ADARB1: variants seen among roughly 807,000 people sequenced by gnomAD.
ADARB1 encodes the protein adenosine deaminase RNA specific B1, also known as double-stranded RNA-specific editase 1.
ADARB1 carries 10 observed loss-of-function variants against 52.4 expected under a neutral mutation model. The ratio of observed to expected loss-of-function variants is 0.19; its 90% CI spans 0.12 to 0.32. ADARB1 has a LOEUF of 0.32. Ranked by LOEUF, ADARB1 falls within the 10% of genes least tolerant of loss-of-function variation. The pLI, the probability that ADARB1 is intolerant of heterozygous loss-of-function variation, is 1.00. For missense variants in ADARB1, 643 were observed against 922.3 expected, an observed-to-expected ratio of 0.70 and a Z score of 3.92; for synonymous variants, 349 against 371.1, an observed-to-expected ratio of 0.94 and a Z score of 0.68.
chr21:45,163,241 T>C (rs148656857), intron 2 of ADARB1, among the ~76,000 whole-genome samples: 50 of 152,350 alleles, frequency 3.3e-4, no homozygotes, highest in African/African-American at 9.9e-4. Context: ...TCGTATACAG[T>C]CAAGTTTAGA....
Position 45,195,816 on chromosome 21 carries a change from T to G in ADARB1, c.1566-8739T>G, listed in dbSNP as rs189398491. Among the ~76,000 whole-genome samples the G allele has an allele frequency of 3.3e-5, 5 of 152,354 alleles. No homozygotes were observed. The East Asian group carries it at 7.7e-4, about 24-fold the overall frequency. On this transcript the variant is annotated intron_variant, in intron 8 of 10. Transcript: ENST00000348831. ...CCATGCTGTCCTGATTACTCTAGTATAGTAAGTCTTTAAGTCAGGTAATGT... is the reference window on the plus strand; with the variant it reads ...CCATGCTGTCCTGATTACTCTAGTAGAGTAAGTCTTTAAGTCAGGTAATGT...
Position 45,182,773 on chromosome 21 carries a change from A to G in ADARB1, c.1247+20A>G. 1.3e-6 allele frequency: 2 copies of G among 1,546,696 alleles called. No homozygotes were observed. Among genetic ancestry groups the G allele is most frequent in the Non-Finnish European group, 8.7e-7 (1 of 1,147,550 alleles). On this transcript the variant is annotated intron_variant, in intron 6 of 10. Coordinates refer to ENST00000348831, the MANE Select transcript of ADARB1 (RefSeq NM_001112.4). ...CTTAAAGTAAGTTTAGTAAACAAAT[A>G]AGGACAGGAAGCTCTTTTTAAAAAA...
rs1441965607 is a variant in ADARB1 at position 45,142,826 on chromosome 21, T to G, written c.-48+14253T>G. ...CTGAGGGGCCCAGAAGGTAAGAAATTGCCTACGGCCCTTGGCTAATAGAAG... is the reference window on the plus strand; with the variant it reads ...CTGAGGGGCCCAGAAGGTAAGAAATGGCCTACGGCCCTTGGCTAATAGAAG... On this transcript the variant is annotated intron_variant, in intron 2 of 10. Transcript: ENST00000348831. The surrounding 1 kb of genome is among the most constrained non-coding windows in gnomAD (Gnocchi z 4.0). Among the ~76,000 whole-genome samples the G allele has an allele frequency of 6.6e-6, 1 of 152,152 alleles. No homozygotes were observed. Among genetic ancestry groups the G allele is most frequent in the Non-Finnish European group, 1.5e-5 (1 of 68,020 alleles).
chr21:45,132,943 A>G (rs1165957684), intron 2 of ADARB1, among the ~76,000 whole-genome samples: 4 of 152,168 alleles, frequency 2.6e-5, no homozygotes, highest in African/African-American at 9.7e-5. Flanking sequence ...ATAAAAGAAA[A>G]TACCGACAAT....
chr21:45,103,937 CTCTGTCTGTTACCCTTA>C (rs2087135034), intron 1 of ADARB1, among the ~76,000 whole-genome samples: 1 of 152,168 alleles, frequency 6.6e-6, no homozygotes, highest in African/African-American at 2.4e-5. Flanking sequence ...GATTTCTTAA[CTCTGTCTGTTACCCTTA>C]CACAGTATAT....
chr21:45,202,837 G>C (rs1017197995), intron 8 of ADARB1, among the ~76,000 whole-genome samples: 1 of 148,632 alleles, frequency 6.7e-6, no homozygotes, highest in African/African-American at 2.5e-5. Context: ...GTGCCACACT[G>C]TGCTGAGCGT....
In ADARB1 at chr21:45,111,193, G is replaced by C. The variant is rs1030906091; in HGVS notation, c.-219-17209G>C. Among the ~76,000 whole-genome samples the C allele has an allele frequency of 2.6e-5, 4 of 152,336 alleles. No homozygotes were observed. In the East Asian group the frequency reaches 7.7e-4, roughly 29 times the overall value. On this transcript the variant is annotated intron_variant, in intron 1 of 10. Coordinates refer to ENST00000348831, the MANE Select transcript of ADARB1 (RefSeq NM_001112.4). ...GCTTCCTCAGGCTCCTCCTGTTGGC[G>C]TGGGTGCCTGCCACTGACCTCTGTG...
chr21:45,147,307 T>G (rs1359595809), intron 2 of ADARB1, among the ~76,000 whole-genome samples: 1 of 152,258 alleles, frequency 6.6e-6, no homozygotes, highest in Non-Finnish European at 1.5e-5. Context: ...TTTTATTGTT[T>G]CTTATTTGAA....
rs748231046 is a variant in ADARB1, at chr21:45,175,733, C to G, written c.32C>G (p.Ser11Cys). 1 of 1,613,802 alleles carries G rather than the reference C, an allele frequency of 6.2e-7. No homozygotes were observed. Among genetic ancestry groups the G allele is most frequent in the Admixed American group, 1.7e-5 (1 of 59,990 alleles). The change falls in exon 4 of 11, where the codon TCC (serine) becomes TGC (cysteine). Residue 11 changes from serine (S) to cysteine (C), a missense_variant. By Grantham distance (112) the Ser-to-Cys change is moderately radical. This residue lies in a region of ADARB1 where 380 missense variants were observed against 446.5 expected (regional missense o/e 0.85). Transcript: ENST00000348831. ...TTACTCTTTCTGGGCACCACAGGTT[C>G]CAGCAGCACTGATGTGAAGGAAAAC... is the stretch of plus-strand genomic sequence containing the variant. MDIEDEENMS[S>C]SSTDVKENRN... is the part of the protein sequence containing the mutation.
At chr21:45,169,438 G>C (rs1569108186) in intron 2 of ADARB1, among the ~76,000 whole-genome samples, 1 of 152,148 alleles carries the variant, frequency 6.6e-6, no homozygotes, top group Non-Finnish European at 1.5e-5. Context: ...CTTTTTGTGT[G>C]TTTTGTTTCT....
intron 1 of ADARB1, among the ~76,000 whole-genome samples, chr21:45,088,092 C>T (rs1210026140): frequency 6.6e-6 from 1 of 152,142 alleles, no homozygotes; most frequent in Admixed American, 6.5e-5. Flanking sequence ...CAGTGTGACT[C>T]TGTGGTCTTT....
At chr21:45,210,311 G>T (rs2092743197) in intron 9 of ADARB1, among the ~76,000 whole-genome samples, 1 of 152,218 alleles carries the variant, frequency 6.6e-6, no homozygotes, top group Non-Finnish European at 1.5e-5. Flanking sequence ...GGACACTGTT[G>T]TTACGGACAC....
Position 45,221,749 on chromosome 21 carries a change from G to A in ADARB1, c.1927-269G>A, listed in dbSNP as rs112672492. On this transcript the variant is annotated intron_variant, in intron 10 of 10. Coordinates refer to ENST00000348831, the MANE Select transcript of ADARB1 (RefSeq NM_001112.4). The surrounding 1 kb of genome is among the most constrained non-coding windows in gnomAD (Gnocchi z 4.9). Reference sequence around the variant, plus strand: ...AATGAAACGTGAATCCACTATTGGTGGTTTCCCAGAAGCATGTCTTCAGAA... The same window carrying A: ...AATGAAACGTGAATCCACTATTGGTAGTTTCCCAGAAGCATGTCTTCAGAA... 0.017 allele frequency among the ~76,000 whole-genome samples: 2,542 copies of A among 152,312 alleles called. 28 individuals carry two copies. Among genetic ancestry groups the A allele is most frequent in the Non-Finnish European group, 0.024 (1,656 of 68,024 alleles).
At chr21:45,090,409 G>A (rs901275332) in intron 1 of ADARB1, among the ~76,000 whole-genome samples, 4 of 152,014 alleles carry the variant, frequency 2.6e-5, no homozygotes, top group African/African-American at 9.7e-5. Flanking sequence ...TGGTATAAGT[G>A]CTTAACACCT....
At chr21:45,082,203 A>G (rs2086180863) in intron 1 of ADARB1, among the ~76,000 whole-genome samples, 1 of 152,174 alleles carries the variant, frequency 6.6e-6, no homozygotes, top group African/African-American at 2.4e-5. Context: ...TGAGTCTGCA[A>G]AGCAGTTGTC....
chr21:45,143,409 C>CT (rs1468635348), intron 2 of ADARB1, among the ~76,000 whole-genome samples: 2 of 152,234 alleles, frequency 1.3e-5, no homozygotes, highest in African/African-American at 4.8e-5. Context: ...TGAAGGTGGC[C>CT]TATCCTTTCT....
At chr21:45,143,489 C>A (rs1360142412) in intron 2 of ADARB1, among the ~76,000 whole-genome samples, 2 of 152,188 alleles carry the variant, frequency 1.3e-5, no homozygotes, top group Non-Finnish European at 2.9e-5. Flanking sequence ...GTGCCCCTGT[C>A]CCCTACTCTG....
chr21:45,200,363 C>T lies in ADARB1; in HGVS notation c.1566-4192C>T, dbSNP rs1011663389. ...GAGAGGCTCCCATGGGGTTGGCCAC[C>T]CCACGGTGATTATGTTGGCGCGGGA... is the stretch of plus-strand genomic sequence containing the variant. On this transcript the variant is annotated intron_variant, in intron 8 of 10. Transcript: ENST00000348831. The surrounding 1 kb of genome is among the most constrained non-coding windows in gnomAD (Gnocchi z 5.0). 2.0e-5 allele frequency among the ~76,000 whole-genome samples: 3 copies of T among 152,126 alleles called. No homozygotes were observed. Among genetic ancestry groups the T allele is most frequent in the Non-Finnish European group, 2.9e-5 (2 of 68,014 alleles).
At chr21:45,077,738 A>T (rs2086000864) in intron 1 of ADARB1, among the ~76,000 whole-genome samples, 1 of 152,206 alleles carries the variant, frequency 6.6e-6, no homozygotes, top group East Asian at 1.9e-4. Flanking sequence ...GGAATTTCTA[A>T]ATCTGTAATT....
Sources: allele counts gnomAD v4.1 joint callset (sites outside exome capture counted in the v4.1 genomes callset), GRCh38; gene constraint gnomAD v4.1.1; regional missense constraint gnomAD v4.1.1; non-coding constraint Gnocchi (gnomAD v3.1); transcripts MANE v1.5; gene names NCBI Gene and HGNC (gene_info 2026-07-23, HGNC 2026-07-21).